Variants in ALMS1 observed in about 807,000 individuals in gnomAD.
The protein encoded by ALMS1 is centrosome-associated protein ALMS1.
Under a neutral mutation model 352.2 loss-of-function variants are expected in ALMS1, and 271 were observed. That is an observed-to-expected ratio of 0.77 (90% CI 0.70 to 0.85). The LOEUF (loss-of-function observed/expected upper bound fraction) is 0.85, where lower values mean the gene tolerates loss of function less well. Ranked by LOEUF, ALMS1 falls within the 40% of genes least tolerant of loss-of-function variation. ALMS1 has a pLI of 0.00. For synonymous variants in ALMS1, 1,865 were observed against 1,761.2 expected, an observed-to-expected ratio of 1.06 and a Z score of -1.48; for missense variants, 5,445 against 4,870.7, an observed-to-expected ratio of 1.12 and a Z score of -3.51.
intron 9 of ALMS1, chr2:73,469,502 A>G (rs1453155893): frequency 1.3e-5 from 2 of 151,958 alleles, no homozygotes; most frequent in Admixed American, 1.3e-4. Flanking sequence ...AACTCTCGTT[A>G]GGTATAAAAT....
intron 10 of ALMS1, 66 bp downstream of exon 10, chr2:73,491,564 G>A (rs1672988965): frequency 2.0e-6 from 3 of 1,535,838 alleles, no homozygotes; most frequent in Non-Finnish European, 2.7e-6. Flanking sequence ...AAATACTTAA[G>A]TAGATATCGG....
chr2:73,574,518 A>T (rs558925247), intron 16 of ALMS1, among the ~76,000 whole-genome samples: 6 of 152,300 alleles, frequency 3.9e-5, no homozygotes, highest in Admixed American at 3.9e-4. Flanking sequence ...TTTTTGTCAG[A>T]TTACATGATC....
intron 10 of ALMS1, among the ~76,000 whole-genome samples, chr2:73,503,741 C>T (rs1673264455): frequency 6.6e-6 from 1 of 152,100 alleles, no homozygotes; most frequent in Non-Finnish European, 1.5e-5. Flanking sequence ...CCTATTTTTC[C>T]ATGTCCTCTT....
At chr2:73,575,727 C>T (rs1675038438) in intron 16 of ALMS1, among the ~76,000 whole-genome samples, 1 of 152,050 alleles carries the variant, frequency 6.6e-6, no homozygotes, top group Non-Finnish European at 1.5e-5. Flanking sequence ...ATATTGATCT[C>T]TTGTTAGATA....
intron 10 of ALMS1, among the ~76,000 whole-genome samples, chr2:73,492,989 A>G (rs1158889626): frequency 6.6e-6 from 1 of 151,976 alleles, no homozygotes; most frequent in Non-Finnish European, 1.5e-5. Context: ...AAAAAAGTTT[A>G]GAAATTAAAA....
At chr2:73,484,796 A>T (rs1266793643) in intron 9 of ALMS1, among the ~76,000 whole-genome samples, 1 of 151,644 alleles carries the variant, frequency 6.6e-6, no homozygotes, top group African/African-American at 2.4e-5. Context: ...TTTTCTCTAA[A>T]CTTCCCTTCT....
At chr2:73,528,146 A>G (rs1381354161) in intron 11 of ALMS1, among the ~76,000 whole-genome samples, 1 of 152,154 alleles carries the variant, frequency 6.6e-6, no homozygotes, top group Non-Finnish European at 1.5e-5. Flanking sequence ...TGAATTTTTG[A>G]ACACTTGTTT....
At chr2:73,485,477 A>C (rs972877022) in intron 9 of ALMS1, among the ~76,000 whole-genome samples, 4 of 152,206 alleles carry the variant, frequency 2.6e-5, no homozygotes, top group African/African-American at 9.7e-5. Context: ...GCTCTCTTCA[A>C]AGCTGTCAGA....
chr2:73,534,532 C>G (rs749242223), intron 11 of ALMS1, among the ~76,000 whole-genome samples: 1 of 152,060 alleles, frequency 6.6e-6, no homozygotes, highest in Non-Finnish European at 1.5e-5. Context: ...GCATTTAAAC[C>G]CCAATTTCTC....
rs1671899550 is a variant in ALMS1 at position 73,450,122 on chromosome 2, G to C, written c.3595G>C (p.Gly1199Arg). The C allele has an allele frequency of 6.2e-7, 1 of 1,613,668 alleles. No individual in the cohort carries two copies. Among genetic ancestry groups the C allele is most frequent in the African/African-American group, 1.3e-5 (1 of 74,770 alleles). ...CTTCTACTCACAAAGAGAGAAACCT[G>C]GTATTTTCTATCAACAGACCTTGCC... ...STFYSQREKP[G>R]IFYQQTLPGS... is the part of the protein sequence containing the mutation. Residue 1199 changes from glycine (G) to arginine (R), a missense_variant, in exon 8 of 23, where the codon GGT (glycine) becomes CGT (arginine). By Grantham distance (125) the Gly-to-Arg change is moderately radical (BLOSUM62 -2). Coordinates refer to ENST00000613296, the MANE Select transcript of ALMS1 (RefSeq NM_001378454.1).
chr2:73,550,579 G>A (rs1674409357), intron 13 of ALMS1, 142 bp downstream of exon 13: 25 of 1,006,196 alleles, frequency 2.5e-5, no homozygotes, highest in East Asian at 1.1e-4. Context: ...TATACAAGAA[G>A]GCAAAATTTC....
chr2:73,550,742 A>T (rs1469231604), intron 13 of ALMS1, among the ~76,000 whole-genome samples: 1 of 152,208 alleles, frequency 6.6e-6, no homozygotes, highest in Non-Finnish European at 1.5e-5. Flanking sequence ...TCCACAGAAA[A>T]TCTTGATTAA....
rs1370220840 is a variant in ALMS1, at chr2:73,609,836, C to A, written c.*224C>A. On this transcript the variant is annotated 3_prime_UTR_variant, in exon 23 of 23. Transcript: ENST00000613296. ...GCCTTGTCCAATGGCCTGTGTGTTA[C>A]AATGATATGATCATTTCTCAAGAAT... is the stretch of plus-strand genomic sequence containing the variant. 17 of 545,438 alleles carry A rather than the reference C, an allele frequency of 3.1e-5. No homozygotes were observed. In the South Asian group the frequency reaches 3.6e-4, roughly 12 times the overall value. 33.8% of individuals were successfully genotyped at this position (545,438 alleles called of 1,614,324 possible).
At chr2:73,489,492 T>G (rs1572968582) in intron 9 of ALMS1, 142 bp from the exon 10 acceptor site, 1 of 947,166 alleles carries the variant, frequency 1.1e-6, no homozygotes. Context: ...GCTGTGCTCT[T>G]TGTCCTGTTA....
intron 12 of ALMS1, among the ~76,000 whole-genome samples, chr2:73,538,178 A>AAT (rs1251180150): frequency 6.6e-6 from 1 of 152,204 alleles, no homozygotes; most frequent in East Asian, 1.9e-4. Context: ...TAATACCTAA[A>AAT]ATATGTAAGG....
intron 16 of ALMS1, among the ~76,000 whole-genome samples, chr2:73,595,477 G>A (rs774092840): frequency 6.6e-6 from 1 of 152,140 alleles, no homozygotes; most frequent in African/African-American, 2.4e-5. Context: ...TGCATCAGTG[G>A]TTCCTTTTTG....
At chr2:73,519,487 T>C (rs1673627316) in intron 10 of ALMS1, among the ~76,000 whole-genome samples, 1 of 152,176 alleles carries the variant, frequency 6.6e-6, no homozygotes, top group African/African-American at 2.4e-5. Flanking sequence ...TTTAAAAAAA[T>C]GTATTTTCAA....
At chr2:73,559,245 T>A in intron 15 of ALMS1, 103 bp downstream of exon 15, 1 of 1,404,132 alleles carries the variant, frequency 7.1e-7, no homozygotes, top group East Asian at 2.5e-5. Flanking sequence ...GCCTCATGAT[T>A]AAACAAAAAT....
rs1389556610 is a variant in ALMS1 at position 73,550,252 on chromosome 2, C to T, written c.9908-15C>T. ...CGCTATTTGTGTTTTGTATTACTTC[C>T]CCGTTTTTCTGTAGGATCCAATGAT... On this transcript the variant is annotated splice_polypyrimidine_tract_variant and intron_variant, in intron 12 of 22. Transcript: ENST00000613296. 1 of 1,613,746 alleles carries T rather than the reference C, an allele frequency of 6.2e-7. No homozygotes were observed. Among genetic ancestry groups the T allele is most frequent in the South Asian group, 1.1e-5 (1 of 91,000 alleles).
Sources: gnomAD v4.1 joint callset for allele counts (sites outside exome capture counted in the v4.1 genomes callset) on GRCh38, gnomAD v4.1.1 for gene constraint, MANE v1.5 for transcripts, NCBI Gene and HGNC (gene_info 2026-07-23, HGNC 2026-07-21) for gene names.